The following PHKA2 variants were observed in gnomAD, a reference collection of about 807,000 sequenced individuals.
The protein encoded by PHKA2 is phosphorylase b kinase regulatory subunit alpha, liver isoform.
In PHKA2, 31 loss-of-function variants were observed where a neutral mutation model predicts 102.0. The ratio of observed to expected loss-of-function variants is 0.30; its 90% CI spans 0.23 to 0.41. PHKA2 has a LOEUF of 0.41. PHKA2 is among the 10% of genes least tolerant of loss of function. The probability of loss-of-function intolerance (pLI) is 1.00; values close to 1 mark genes in which losing one functional copy is unlikely to be tolerated. For missense variants in PHKA2, 858 were observed against 1,023.1 expected, an observed-to-expected ratio of 0.84 and a Z score of 2.20; for synonymous variants, 455 against 416.2, an observed-to-expected ratio of 1.09 and a Z score of -1.13.
intron 26 of PHKA2, among the ~76,000 whole-genome samples, chrX:18,904,314 C>A (rs1384445716): frequency 8.9e-6 from 1 of 112,035 alleles, no homozygotes; most frequent in Non-Finnish European, 1.9e-5. Context: ...AGGATTTAAT[C>A]AAAATTCTAA....
At chrX:18,947,025 C>T (rs992699636) in intron 5 of PHKA2, among the ~76,000 whole-genome samples, 1 of 111,143 alleles carries the variant, frequency 9.0e-6, no homozygotes, top group African/African-American at 3.3e-5. Context: ...GATTGCCTCT[C>T]GTTGGGAATC....
At chrX:18,960,993 T>C (rs1261451960) in intron 1 of PHKA2, among the ~76,000 whole-genome samples, 1 of 112,086 alleles carries the variant, frequency 8.9e-6, no homozygotes, top group Non-Finnish European at 1.9e-5. Context: ...CAAGTGGACA[T>C]ACACATGCAA....
At chrX:18,914,156 C>T (rs1225967477) in intron 19 of PHKA2, among the ~76,000 whole-genome samples, 1 of 112,579 alleles carries the variant, frequency 8.9e-6, no homozygotes, top group East Asian at 2.8e-4. Context: ...CATGGTGCTA[C>T]AAAGTCACTA....
chrX:18,898,187 C>T (rs1159823874), intron 29 of PHKA2: 1 of 112,992 alleles, frequency 8.9e-6, no homozygotes, highest in African/African-American at 3.2e-5. Context: ...CAATGGCTGC[C>T]TCTGAACTGG....
At chrX:18,966,769 G>C (rs2048950980) in intron 1 of PHKA2, among the ~76,000 whole-genome samples, 1 of 111,875 alleles carries the variant, frequency 8.9e-6, no homozygotes, top group African/African-American at 3.3e-5. Context: ...TAGGCACTAA[G>C]AATGTCACCT....
At position 18,918,682 on chromosome X, in the gene PHKA2, T is replaced by C; in HGVS notation, c.2136A>G (p.Pro712=). The change falls in exon 19 of 33, where the codon CCA becomes CCG. Residue 712 remains proline, a splice_region_variant and synonymous_variant. Transcript: ENST00000379942. Reference sequence around the variant, plus strand: ...GGCAGAAAAGAGTTAATAACATACATGGAACTTCCAAACCCTTTGCTTTTG... The same window carrying C: ...GGCAGAAAAGAGTTAATAACATACACGGAACTTCCAAACCCTTTGCTTTTG... ...VMAKAKGLEV[P]FVPMTLPTKV... 1.7e-6 allele frequency: 2 copies of C among 1,204,906 alleles called. No individual in the cohort carries two copies. The highest frequency in any genetic ancestry group is 2.2e-6 in the Non-Finnish European group (2 of 890,217).
rs201140088 is a variant in PHKA2, at chrX:18,957,522, C to T, written c.79-3110G>A. On this transcript the variant is annotated intron_variant, in intron 1 of 32. Transcript: ENST00000379942. ...ATGTGATCATTTTAACCATATGTTG[C>T]TTTCCAATCTTTGAAAAACACTATT... Among the ~76,000 whole-genome samples, 19 of 111,263 alleles carry T rather than the reference C, an allele frequency of 1.7e-4. No homozygotes were observed. In the East Asian group the frequency reaches 5.1e-3, roughly 30 times the overall value.
At chrX:18,973,247 C>G (rs776984531) in intron 1 of PHKA2, among the ~76,000 whole-genome samples, 30 of 111,848 alleles carry the variant, frequency 2.7e-4, no homozygotes, top group South Asian at 1.5e-3. Flanking sequence ...TCAGGTGATC[C>G]ATCCGCCTCG....
At chrX:18,916,968 G>A (rs1468229047) in intron 19 of PHKA2, among the ~76,000 whole-genome samples, 2 of 108,498 alleles carry the variant, frequency 1.8e-5, no homozygotes, top group Non-Finnish European at 3.8e-5. Flanking sequence ...CAACCTCCCT[G>A]AGCTCAAGTG....
At chrX:18,976,440 T>C (rs906024390) in intron 1 of PHKA2, among the ~76,000 whole-genome samples, 4 of 111,830 alleles carry the variant, frequency 3.6e-5, no homozygotes, top group Admixed American at 1.9e-4. Context: ...GTAACCTTTA[T>C]CTGGAAAACA....
chrX:18,931,617 T>C lies in PHKA2; in HGVS notation c.1245+24A>G, dbSNP rs188597188. 2.4e-5 allele frequency: 26 copies of C among 1,065,509 alleles called. No individual in the cohort carries two copies. In the African/African-American group the frequency reaches 4.2e-4, roughly 17 times the overall value. 87.8% of individuals were successfully genotyped at this position (1,065,509 alleles called of 1,213,427 possible). On this transcript the variant is annotated intron_variant, in intron 12 of 32. Coordinates refer to ENST00000379942, the MANE Select transcript of PHKA2 (RefSeq NM_000292.3). Reference sequence around the variant, plus strand: ...GAACCTCCAATCACATGGTTTCCAGTCTGTGAGGCCACTAAGCCCCTACCT... The same window carrying C: ...GAACCTCCAATCACATGGTTTCCAGCCTGTGAGGCCACTAAGCCCCTACCT...
At chrX:18,903,761 G>A (rs1005508394) in intron 26 of PHKA2, among the ~76,000 whole-genome samples, 3 of 111,762 alleles carry the variant, frequency 2.7e-5, no homozygotes, top group Non-Finnish European at 3.8e-5. Flanking sequence ...GGCTCAAACC[G>A]GTCCCTAGCC....
At chrX:18,917,567 G>A (rs187180613) in intron 19 of PHKA2, among the ~76,000 whole-genome samples, 5 of 111,814 alleles carry the variant, frequency 4.5e-5, no homozygotes, top group Admixed American at 9.6e-5. Flanking sequence ...CCAAAAAAAT[G>A]TATTTTTAAT....
intron 1 of PHKA2, among the ~76,000 whole-genome samples, chrX:18,980,758 T>C (rs918039637): frequency 1.8e-5 from 2 of 112,113 alleles, no homozygotes; most frequent in African/African-American, 6.5e-5. Context: ...CTGTTCTTTC[T>C]CTATACTTTG....
At chrX:18,927,967 C>T (rs1188913335) in intron 13 of PHKA2, among the ~76,000 whole-genome samples, 1 of 112,342 alleles carries the variant, frequency 8.9e-6, no homozygotes. Context: ...AACTGCACTT[C>T]CCCTACTCTG....
intron 22 of PHKA2, 125 bp from the exon 23 acceptor site, chrX:18,907,222 C>T (rs1212919586): frequency 3.6e-6 from 2 of 560,135 alleles, no homozygotes; most frequent in African/African-American, 4.5e-5. Flanking sequence ...AACTTAGTGA[C>T]CCATGTTGCC....
At chrX:18,902,429 G>A (rs1033483560) in intron 26 of PHKA2, among the ~76,000 whole-genome samples, 10 of 109,479 alleles carry the variant, frequency 9.1e-5, no homozygotes, top group African/African-American at 3.3e-4. Context: ...GAACCACCGT[G>A]CCCACCCTTG....
rs771938994 is a variant in PHKA2 at position 18,952,539 on chromosome X, G to A, written c.240C>T (p.Asn80=). 2.5e-5 allele frequency: 30 copies of A among 1,207,211 alleles called. No homozygotes were observed. Among genetic ancestry groups the A allele is most frequent in the Middle Eastern group, 2.3e-4 (1 of 4,368 alleles). Residue 80 remains asparagine, a splice_region_variant and synonymous_variant, in exon 3 of 33, where the codon AAC becomes AAT. Transcript: ENST00000379942. ...DKAKAYELEQ[N]VVKLMRGLLQ... is the part of the protein sequence containing the mutation. ...GAAGACCTCGCATCAGCTTCACCACGTTCTGTGGAGATAAAGCAGAATCAG... is the reference window on the plus strand; with the variant it reads ...GAAGACCTCGCATCAGCTTCACCACATTCTGTGGAGATAAAGCAGAATCAG...
chrX:18,906,948 G>A lies in PHKA2; in HGVS notation c.2597+70C>T, dbSNP rs539559631. ...AGTGTCTTTAAAAAGCCCCTCCTCC[G>A]AACACTGGGAAGCGCTGTTTTCCCC... On this transcript the variant is annotated intron_variant, in intron 23 of 32. Coordinates refer to ENST00000379942, the MANE Select transcript of PHKA2 (RefSeq NM_000292.3). 97 of 1,036,749 alleles carry A rather than the reference G, an allele frequency of 9.4e-5. No homozygotes were observed. In the East Asian group the frequency reaches 2.2e-3, roughly 24 times the overall value. 85.4% of individuals were successfully genotyped at this position (1,036,749 alleles called of 1,213,427 possible).
Sources: gnomAD v4.1 joint callset for allele counts (sites outside exome capture counted in the v4.1 genomes callset) on GRCh38, gnomAD v4.1.1 for gene constraint, MANE v1.5 for transcripts, NCBI Gene and HGNC (gene_info 2026-07-23, HGNC 2026-07-21) for gene names.